SEC13: variants seen among roughly 807,000 people sequenced by gnomAD.
SEC13 encodes the protein protein SEC13 homolog.
Under a neutral mutation model 49.2 loss-of-function variants are expected in SEC13, and 25 were observed. That is an observed-to-expected ratio of 0.51 (90% CI 0.37 to 0.71). The LOEUF (loss-of-function observed/expected upper bound fraction) is 0.71. Among genes scored for constraint, SEC13 ranks in the 30% least tolerant of loss-of-function variants. The pLI, the probability that SEC13 is intolerant of heterozygous loss-of-function variation, is 0.00. For missense variants in SEC13, 383 were observed against 417.6 expected (o/e 0.92, Z 0.72); for synonymous variants, 148 against 163.9 (o/e 0.90, Z 0.74).
chr3:10,312,349 G>A (rs1399089071), intron 4 of SEC13, among the ~76,000 whole-genome samples: 1 of 152,214 alleles, frequency 6.6e-6, no homozygotes, highest in Non-Finnish European at 1.5e-5. Flanking sequence ...GGTAGTCCTT[G>A]CAATGAATAA....
rs1700785457 is a variant in SEC13 at position 10,305,100 on chromosome 3, C to G, written c.641G>C (p.Trp214Ser). The change falls in exon 7 of 9, where the codon TGG becomes TCG. Residue 214 changes from tryptophan (W) to serine (S), a missense_variant. Coordinates refer to ENST00000350697, the MANE Select transcript of SEC13 (RefSeq NM_183352.3). ...EEQKLEAHSD[W>S]VRDVAWAPSI... is the part of the protein sequence containing the mutation. ...GGGGGCCCAGGCCACATCTCGAACC[C>G]AGTCACTGTGCGCTTCTAGCTTCTG... The G allele has an allele frequency of 6.2e-7, 1 of 1,614,148 alleles. No homozygotes were observed. Among genetic ancestry groups the G allele is most frequent in the Non-Finnish European group, 8.5e-7 (1 of 1,180,020 alleles).
chr3:10,304,003 T>A (rs1235431956), intron 8 of SEC13, 23 bp downstream of exon 8: 1 of 1,613,148 alleles, frequency 6.2e-7, no homozygotes, highest in African/African-American at 1.3e-5. Flanking sequence ...GTGTCCACCA[T>A]GCCACGGGGA....
rs758798069 is a variant in SEC13 at position 10,312,699 on chromosome 3, C to A, written c.196G>T (p.Ala66Ser). The A allele has an allele frequency of 2.2e-5, 36 of 1,614,020 alleles. No individual in the cohort carries two copies. The highest frequency in any genetic ancestry group is 3.0e-5 in the Non-Finnish European group (35 of 1,180,030). ...AGGATGTTGCCGTACATGGGGTGAG[C>A]CCAGGCCACTTGCCACACAGGACCC... Reference protein sequence around the residue: ...HEGPVWQVAWAHPMYGNILAS... With the variant: ...HEGPVWQVAWSHPMYGNILAS... Residue 66 changes from alanine (A) to serine (S), a missense_variant, in exon 4 of 9, where the codon GCT (alanine) becomes TCT (serine). By Grantham distance (99) the Ala-to-Ser change is moderately conservative. Coordinates refer to ENST00000350697, the MANE Select transcript of SEC13 (RefSeq NM_183352.3).
intron 8 of SEC13, among the ~76,000 whole-genome samples, chr3:10,302,962 TTAGA>T (rs140558867): frequency 2.0e-5 from 3 of 152,272 alleles, no homozygotes; most frequent in Admixed American, 6.5e-5. Context: ...ATGATTCCAC[TTAGA>T]TAGGTCGCTA....
chr3:10,307,764 T>C (rs1045309031), intron 5 of SEC13, among the ~76,000 whole-genome samples: 4 of 152,008 alleles, frequency 2.6e-5, no homozygotes, highest in Non-Finnish European at 5.9e-5. Context: ...TCATGGGGCT[T>C]TGCCATGTTG....
chr3:10,306,439 T>TAA (rs1399385476), intron 5 of SEC13, among the ~76,000 whole-genome samples: 1 of 152,240 alleles, frequency 6.6e-6, no homozygotes, highest in African/African-American at 2.4e-5. Context: ...GATTGTCTCT[T>TAA]ATATTAACAG....
At chr3:10,309,029 C>G (rs1701081762) in intron 5 of SEC13, among the ~76,000 whole-genome samples, 1 of 150,586 alleles carries the variant, frequency 6.6e-6, no homozygotes, top group Admixed American at 6.6e-5. Context: ...CCTCTGACTC[C>G]CGGGTTCAAG....
intron 1 of SEC13, chr3:10,319,111 G>C (rs767131850): frequency 6.3e-6 from 10 of 1,579,224 alleles, no homozygotes; most frequent in Non-Finnish European, 7.7e-6. Context: ...CTTAAAAGAA[G>C]TTTCAGTGTG....
chr3:10,312,814 GATAT>G lies in SEC13; in HGVS notation c.165-88_165-85del, dbSNP rs1025368767. ...ACAGAACTAAATGGCTCCCTGAGAC[GATAT>G]ATCAGGGCAGAATTGCTTAAGAACT... On this transcript the variant is annotated intron_variant, in intron 3 of 8. Transcript: ENST00000350697. 6.0e-6 allele frequency: 8 copies of G among 1,343,550 alleles called. No individual in the cohort carries two copies. The Admixed American group carries it at 1.1e-4, about 19-fold the overall frequency. The allele number at this position is 1,343,550 out of a possible 1,614,324, so 83.2% of individuals were successfully genotyped here.
intron 3 of SEC13, chr3:10,313,480 G>C (rs1253015986): frequency 1.9e-6 from 1 of 525,686 alleles, no homozygotes. Context: ...ATAAAGTTTG[G>C]AACAATGCTT....
intron 1 of SEC13, chr3:10,320,589 G>A (rs2059758723): frequency 9.1e-6 from 9 of 990,578 alleles, no homozygotes; most frequent in Non-Finnish European, 1.1e-5. Context: ...GGTTAGGAGG[G>A]TTCAAATCTC....
rs566080188 is a variant in SEC13, at chr3:10,300,933, A to G, written c.*328T>C. The stretch of plus-strand genomic sequence containing the variant: ...TGGTTAGGATAACGCAGCAGGAATT[A>G]TAAGCAATATGACTTTATTTAGTTC... On this transcript the variant is annotated 3_prime_UTR_variant, in exon 9 of 9. Transcript: ENST00000350697. 3.9e-6 allele frequency: 3 copies of G among 777,924 alleles called. No individual in the cohort carries two copies. Among genetic ancestry groups the G allele is most frequent in the South Asian group, 3.5e-5 (2 of 56,402 alleles). 48.2% of individuals were successfully genotyped at this position (777,924 alleles called of 1,614,324 possible).
rs191317445 is a variant in SEC13 at position 10,307,822 on chromosome 3, G to C, written c.451-2130C>G. On this transcript the variant is annotated intron_variant, in intron 5 of 8. Coordinates refer to ENST00000350697, the MANE Select transcript of SEC13 (RefSeq NM_183352.3). ...GAGCTCAGGTGATCCGCCTGCCTCA[G>C]CCTCCCAAAGTGCTGGGATTACAGG... Among the ~76,000 whole-genome samples the C allele has an allele frequency of 1.4e-4, 21 of 152,316 alleles. No homozygotes were observed. In the East Asian group the frequency reaches 3.7e-3, roughly 27 times the overall value.
intron 5 of SEC13, chr3:10,305,973 C>CT (rs534978855): frequency 1.2e-4 from 32 of 278,062 alleles, no homozygotes; most frequent in East Asian, 5.6e-4. Context: ...TACATTGGAG[C>CT]TTTTTTTTAA....
intron 7 of SEC13, among the ~76,000 whole-genome samples, chr3:10,304,544 C>T (rs1437510799): frequency 6.6e-6 from 1 of 152,158 alleles, no homozygotes; most frequent in Non-Finnish European, 1.5e-5. Flanking sequence ...AGTAAAAAAG[C>T]ACAAAAATCC....
chr3:10,310,256 T>C (rs2125263689), intron 5 of SEC13, among the ~76,000 whole-genome samples: 1 of 152,306 alleles, frequency 6.6e-6, no homozygotes, highest in East Asian at 1.9e-4. Context: ...TTTGGGAGGC[T>C]GAGGTGGGCG....
chr3:10,304,931 T>G, intron 7 of SEC13, 102 bp downstream of exon 7: 3 of 1,563,630 alleles, frequency 1.9e-6, no homozygotes, highest in Non-Finnish European at 2.6e-6. Flanking sequence ...TGCCTGTTGC[T>G]CTCCCTTTAC....
chr3:10,301,268 T>G lies in SEC13; in HGVS notation c.962A>C (p.Glu321Ala). ...SASVTEGQQNEQ is the reference protein window; with the variant it reads ...SASVTEGQQNAQ ...CAGGCCCCACCTGTCTTGTCACTGC[T>G]CGTTCTGCTGGCCCTCTGTCACTGA... is the stretch of plus-strand genomic sequence containing the variant. Residue 321 changes from glutamate (E) to alanine (A), a missense_variant, in exon 9 of 9, where the codon GAG (glutamate) becomes GCG (alanine). Coordinates refer to ENST00000350697, the MANE Select transcript of SEC13 (RefSeq NM_183352.3). 6.2e-7 allele frequency: 1 copy of G among 1,614,164 alleles called. No individual in the cohort carries two copies. The highest frequency in any genetic ancestry group is 8.5e-7 in the Non-Finnish European group (1 of 1,180,024).
At chr3:10,316,279 C>G (rs550733535) in intron 2 of SEC13, among the ~76,000 whole-genome samples, 11 of 152,274 alleles carry the variant, frequency 7.2e-5, no homozygotes, top group African/African-American at 2.2e-4. Context: ...CTTTCCCCAG[C>G]TGTCCCACCC....
Sources: allele counts gnomAD v4.1 joint callset (sites outside exome capture counted in the v4.1 genomes callset), GRCh38; gene constraint gnomAD v4.1.1; transcripts MANE v1.5; gene names NCBI Gene and HGNC (gene_info 2026-07-23, HGNC 2026-07-21).